MYLK4: variants seen among roughly 807,000 people sequenced by gnomAD.
MYLK4 encodes the protein caMLCK like.
MYLK4 carries 46 observed loss-of-function variants against 48.1 expected under a neutral mutation model. That is an observed-to-expected ratio of 0.96 (90% CI 0.75 to 1.22). MYLK4 has a LOEUF of 1.22. MYLK4 is among the 50% of genes most tolerant of loss of function. MYLK4 has a pLI of 0.00. For synonymous variants in MYLK4, 170 were observed against 180.8 expected (o/e 0.94, Z 0.48); for missense variants, 451 against 486.1 (o/e 0.93, Z 0.68).
At chr6:2,767,149 G>T in the MYLK4 span, among the ~76,000 whole-genome samples, 2 of 152,172 alleles carry the variant, frequency 1.3e-5, no homozygotes, top group Non-Finnish European at 2.9e-5. Flanking sequence ...GTGTCCCTTC[G>T]TGAGGCGTTA....
chr6:2,709,909 ACAGT>A (rs1449001655), intron 2 of MYLK4, among the ~76,000 whole-genome samples: 1 of 152,222 alleles, frequency 6.6e-6, no homozygotes, highest in Non-Finnish European at 1.5e-5. Context: ...CAAGAAACTA[ACAGT>A]CAGGAGCTGA....
In MYLK4 at chr6:2,665,005, G is replaced by C. The variant is rs962369934; in HGVS notation, c.*2920C>G. On this transcript the variant is annotated 3_prime_UTR_variant, in exon 13 of 13. Coordinates refer to ENST00000274643, the MANE Select transcript of MYLK4 (RefSeq NM_001012418.5). ...TTTATTTCTCTCCAGGCAGTGGGAA[G>C]TGCTACATCGGTGCTTAATTTCCTC... is the stretch of plus-strand genomic sequence containing the variant. 4 of 152,270 alleles carry C rather than the reference G, an allele frequency of 2.6e-5. No individual in the cohort carries two copies. The highest frequency in any genetic ancestry group is 7.2e-5 in the African/African-American group (3 of 41,466). The allele number at this position is 152,270 out of a possible 1,614,324, so 9.4% of individuals were successfully genotyped here.
intron 10 of MYLK4, among the ~76,000 whole-genome samples, chr6:2,675,651 A>G (rs923348411): frequency 6.6e-6 from 1 of 152,240 alleles, no homozygotes; most frequent in Non-Finnish European, 1.5e-5. Context: ...TGAAGAAACA[A>G]TATCCTTTTG....
At chr6:2,731,331 T>C (rs1001841171) in intron 2 of MYLK4, among the ~76,000 whole-genome samples, 6 of 152,174 alleles carry the variant, frequency 3.9e-5, no homozygotes, top group Admixed American at 3.9e-4. Flanking sequence ...CCTTGGTGTC[T>C]CGGCTCTGGG....
chr6:2,682,549 C>A (rs1761350821), intron 7 of MYLK4, among the ~76,000 whole-genome samples: 1 of 152,170 alleles, frequency 6.6e-6, no homozygotes, highest in Non-Finnish European at 1.5e-5. Flanking sequence ...GGATTCTATT[C>A]CACAGGGCAG....
the MYLK4 span, chr6:2,765,709 C>T: frequency 7.8e-6 from 12 of 1,545,746 alleles, no homozygotes; most frequent in African/African-American, 7.1e-5. Context: ...TGATGCCCGC[C>T]GCGCACATCA....
intron 2 of MYLK4, among the ~76,000 whole-genome samples, chr6:2,699,149 G>GTTAAT (rs1762179370): frequency 6.6e-6 from 1 of 152,142 alleles, no homozygotes; most frequent in African/African-American, 2.4e-5. Flanking sequence ...AGAGCCTGAA[G>GTTAAT]TTAAAGGTGT....
chr6:2,766,577 C>T, the MYLK4 span: 16 of 1,383,474 alleles, frequency 1.2e-5, no homozygotes, highest in Non-Finnish European at 1.4e-5. Context: ...CAGACTTGGG[C>T]TGGGCTGGGG....
chr6:2,683,003 G>T lies in MYLK4; in HGVS notation c.687+18C>A, dbSNP rs371108811. 4 of 1,614,010 alleles carry T rather than the reference G, an allele frequency of 2.5e-6. No individual in the cohort carries two copies. The highest frequency in any genetic ancestry group is 3.4e-6 in the Non-Finnish European group (4 of 1,180,012). ...GCTGGGAAGGGCTTACGTCTCACAGGATACAAAACACCCTTACCTTCAGGT... is the reference window on the plus strand; with the variant it reads ...GCTGGGAAGGGCTTACGTCTCACAGTATACAAAACACCCTTACCTTCAGGT... On this transcript the variant is annotated intron_variant, in intron 7 of 12. Coordinates refer to ENST00000274643, the MANE Select transcript of MYLK4 (RefSeq NM_001012418.5).
intron 7 of MYLK4, among the ~76,000 whole-genome samples, chr6:2,681,498 T>C (rs1761300019): frequency 1.3e-5 from 2 of 152,188 alleles, no homozygotes; most frequent in African/African-American, 4.8e-5. Context: ...AGGAGTACTG[T>C]GGCATCAAAA....
chr6:2,700,807 C>T (rs541550154), intron 2 of MYLK4, among the ~76,000 whole-genome samples: 33 of 152,258 alleles, frequency 2.2e-4, no homozygotes, highest in African/African-American at 7.9e-4. Flanking sequence ...GATTTAATTC[C>T]TCCATTAAAA....
intron 2 of MYLK4, among the ~76,000 whole-genome samples, chr6:2,737,617 A>T (rs1315027235): frequency 6.6e-6 from 1 of 152,184 alleles, no homozygotes; most frequent in Non-Finnish European, 1.5e-5. Flanking sequence ...CTGACAGAAT[A>T]TGACAGGGAG....
the MYLK4 span, chr6:2,768,976 T>G: frequency 8.0e-7 from 1 of 1,249,348 alleles, no homozygotes; most frequent in East Asian, 2.5e-5. Context: ...ACTTACGAGC[T>G]TTGTTTACAA....
chr6:2,766,807 A>C, the MYLK4 span, among the ~76,000 whole-genome samples: 1 of 149,288 alleles, frequency 6.7e-6, no homozygotes, highest in Non-Finnish European at 1.5e-5. Context: ...AGGAATCAGC[A>C]TGTTTAAATT....
intron 2 of MYLK4, among the ~76,000 whole-genome samples, chr6:2,703,819 TG>T (rs1210459558): frequency 1.3e-5 from 2 of 152,060 alleles, no homozygotes; most frequent in Non-Finnish European, 2.9e-5. Flanking sequence ...TATAGGCGTG[TG>T]CCACCACGCC....
At chr6:2,705,407 G>A (rs1208423006) in intron 2 of MYLK4, among the ~76,000 whole-genome samples, 1 of 152,212 alleles carries the variant, frequency 6.6e-6, no homozygotes, top group African/African-American at 2.4e-5. Context: ...AGGTAGTAAT[G>A]AGTGAAGCGG....
At chr6:2,747,666 T>C (rs573264011) in intron 2 of MYLK4, among the ~76,000 whole-genome samples, 104 of 152,292 alleles carry the variant, frequency 6.8e-4, no homozygotes, top group African/African-American at 2.4e-3. Context: ...TCTCACTCTT[T>C]AGAGTGTTGC....
At chr6:2,706,809 T>C (rs1233062553) in intron 2 of MYLK4, among the ~76,000 whole-genome samples, 5 of 152,116 alleles carry the variant, frequency 3.3e-5, no homozygotes, top group Non-Finnish European at 5.9e-5. Flanking sequence ...CTCAGAGCAG[T>C]AATAAGTAAA....
intron 2 of MYLK4, among the ~76,000 whole-genome samples, chr6:2,733,450 G>C (rs954371170): frequency 1.3e-5 from 2 of 152,112 alleles, no homozygotes; most frequent in African/African-American, 4.8e-5. Context: ...GAAACTCAAT[G>C]GTATCAGCCA....
Sources: allele counts gnomAD v4.1 joint callset (sites outside exome capture counted in the v4.1 genomes callset), GRCh38; gene constraint gnomAD v4.1.1; transcripts MANE v1.5; gene names NCBI Gene and HGNC (gene_info 2026-07-23, HGNC 2026-07-21).